Variants in ATAD2 observed in about 807,000 individuals in gnomAD.
The protein encoded by ATAD2 is ATPase family AAA domain containing 2.
ATAD2 carries 62 observed loss-of-function variants against 168.9 expected under a neutral mutation model. The ratio of observed to expected loss-of-function variants is 0.37; its 90% CI spans 0.30 to 0.45. The LOEUF is 0.45. ATAD2 is among the 20% of genes least tolerant of loss of function. The pLI is 1.00. For synonymous variants in ATAD2, 613 were observed against 571.6 expected, an observed-to-expected ratio of 1.07 and a Z score of -1.03; for missense variants, 1,419 against 1,667.8, an observed-to-expected ratio of 0.85 and a Z score of 2.60.
At chr8:123,354,153 A>G (rs1053903694) in intron 13 of ATAD2, among the ~76,000 whole-genome samples, 2 of 152,136 alleles carry the variant, frequency 1.3e-5, no homozygotes, top group Non-Finnish European at 2.9e-5. Context: ...AATTTAGGGT[A>G]ATTTGACTTC....
chr8:123,404,559 C>A (rs1389278722), intron 1 of ATAD2, among the ~76,000 whole-genome samples: 1 of 148,100 alleles, frequency 6.8e-6, no homozygotes, highest in Non-Finnish European at 1.5e-5. Flanking sequence ...TCCCCACTTT[C>A]TCTCTCTTTT....
chr8:123,375,808 T>G (rs1465134984), intron 2 of ATAD2, among the ~76,000 whole-genome samples: 1 of 152,034 alleles, frequency 6.6e-6, no homozygotes, highest in South Asian at 2.1e-4. Flanking sequence ...CCATATCTAC[T>G]AAAAATACAA....
intron 2 of ATAD2, among the ~76,000 whole-genome samples, chr8:123,373,037 C>G (rs1473938884): frequency 6.6e-6 from 1 of 151,946 alleles, no homozygotes; most frequent in Non-Finnish European, 1.5e-5. Flanking sequence ...GGACTATAGG[C>G]TCCTGTCATC....
At chr8:123,344,390 C>T (rs1437219728) in intron 19 of ATAD2, 1 of 149,464 alleles carries the variant, frequency 6.7e-6, no homozygotes, top group Admixed American at 6.7e-5. Flanking sequence ...CTCTGTCGCC[C>T]AGGCTGGAGT....
At chr8:123,324,645 G>A (rs912390571) in intron 26 of ATAD2, among the ~76,000 whole-genome samples, 2 of 152,172 alleles carry the variant, frequency 1.3e-5, no homozygotes, top group African/African-American at 2.4e-5. Flanking sequence ...GCTTACAAAA[G>A]TAATTGAAGG....
At chr8:123,372,835 C>T (rs1829187856) in intron 2 of ATAD2, 149 bp from the exon 3 acceptor site, 1 of 536,606 alleles carries the variant, frequency 1.9e-6, no homozygotes, top group Admixed American at 3.7e-5. Flanking sequence ...TCAAGCAATA[C>T]CTCCCACCTC....
At chr8:123,325,562 A>G (rs1466666695) in intron 26 of ATAD2, among the ~76,000 whole-genome samples, 1 of 152,126 alleles carries the variant, frequency 6.6e-6, no homozygotes, top group Non-Finnish European at 1.5e-5. Flanking sequence ...CTAGGATTAC[A>G]GGCATGAGTC....
intron 1 of ATAD2, among the ~76,000 whole-genome samples, chr8:123,412,878 C>G (rs929012730): frequency 7.9e-5 from 12 of 152,112 alleles, no homozygotes; most frequent in African/African-American, 2.9e-4. Context: ...CCCAAACCCC[C>G]CATTAAAATG....
chr8:123,409,599 C>G (rs2130045357), intron 1 of ATAD2, among the ~76,000 whole-genome samples: 1 of 152,066 alleles, frequency 6.6e-6, no homozygotes, highest in Middle Eastern at 3.4e-3. Context: ...CTCAGGTGAT[C>G]CTTCTGCCTC....
rs765048906 is a variant in ATAD2, at chr8:123,333,985, T to C, written c.3371A>G (p.His1124Arg). The change falls in exon 24 of 28, where the codon CAT (histidine) becomes CGT (arginine). Residue 1124 changes from histidine to arginine, a missense_variant. Physicochemically the swap from His to Arg is conservative, Grantham distance 29. Coordinates refer to ENST00000287394, the MANE Select transcript of ATAD2 (RefSeq NM_014109.4). ...SSSKYAPSYY[H>R]VMPKQNSTLV... ...AGTGGAATTTTGCTTTGGCATCACA[T>C]GGTAGTAAGACGGGGCATATTTGGA... 1.2e-6 allele frequency: 2 copies of C among 1,614,148 alleles called. No individual in the cohort carries two copies. The highest frequency in any genetic ancestry group is 1.7e-6 in the Non-Finnish European group (2 of 1,180,004).
Position 123,396,283 on chromosome 8 carries a change from G to C in ATAD2, c.75C>G (p.Ser25=). The C allele has an allele frequency of 1.9e-6, 3 of 1,611,482 alleles. No homozygotes were observed. Among genetic ancestry groups the C allele is most frequent in the Non-Finnish European group, 2.5e-6 (3 of 1,179,620 alleles). Reference sequence around the variant, plus strand: ...TGTGCTCCAGACTGAGGAAGTCACTGGACAGGTCCAAGGAGCCCGTGGCCG... The same window carrying C: ...TGTGCTCCAGACTGAGGAAGTCACTCGACAGGTCCAAGGAGCCCGTGGCCG... ...AASATGSLDL[S]SDFLSLEHIG... is the part of the protein sequence containing the mutation. Residue 25 remains serine, a synonymous_variant, in exon 1 of 28, where the codon TCC becomes TCG. Coordinates refer to ENST00000287394, the MANE Select transcript of ATAD2 (RefSeq NM_014109.4).
chr8:123,402,002 TG>T lies in ATAD2; in HGVS notation c.-2281-828del. ...CAGGGCCCGCAGCCTGTCTGTCCTT[TG>T]GTCCATGATGTACTCAGGAGAGCTC... On this transcript the variant is annotated intron_variant, in intron 1 of 28. Coordinates refer to the ATAD2 transcript ENST00000521903. The surrounding 1 kb of genome is among the most constrained non-coding windows in gnomAD (Gnocchi z 4.8). The T allele has an allele frequency of 7.2e-7, 1 of 1,379,344 alleles. No individual in the cohort carries two copies. Among genetic ancestry groups the T allele is most frequent in the Non-Finnish European group, 1.0e-6 (1 of 970,810 alleles). The allele number at this position is 1,379,344 out of a possible 1,614,324, so 85.4% of individuals were successfully genotyped here.
chr8:123,383,512 C>T lies in ATAD2; in HGVS notation c.172-2835G>A, dbSNP rs138047215. ...GACAGCCGGGCATGGTGGCTCATGC[C>T]TGTAATCCCAGGACTTTGGGAGGCC... On this transcript the variant is annotated intron_variant, in intron 1 of 27. Transcript: ENST00000287394. Among the ~76,000 whole-genome samples the T allele has an allele frequency of 3.9e-5, 6 of 152,296 alleles. No homozygotes were observed. The East Asian group carries it at 1.2e-3, about 29-fold the overall frequency.
At chr8:123,331,156 G>A (rs1827766163) in intron 24 of ATAD2, among the ~76,000 whole-genome samples, 2 of 152,118 alleles carry the variant, frequency 1.3e-5, no homozygotes, top group African/African-American at 4.8e-5. Flanking sequence ...GGCCACGCTG[G>A]TCTTGAGCTC....
chr8:123,396,398 G>GA lies in ATAD2; in HGVS notation c.-42dup, dbSNP rs1563868721. The GA allele has an allele frequency of 1.3e-6, 2 of 1,511,750 alleles. No homozygotes were observed. The highest frequency in any genetic ancestry group is 2.5e-5 in the South Asian group (2 of 80,936). 93.6% of individuals were successfully genotyped at this position (1,511,750 alleles called of 1,614,324 possible). A position where few individuals can be genotyped will look rare whatever the true frequency, so the allele number is the denominator to read the frequency against. ...GCCTCGGCGTGCGCGACCGGAGAGA[G>GA]ATCCAGCTCCAGGCGCTCGCAGCTC... On this transcript the variant is annotated 5_prime_UTR_variant, in exon 1 of 28. Transcript: ENST00000287394.
At chr8:123,339,232 G>C (rs1174973037) in intron 20 of ATAD2, 79 bp downstream of exon 20, 1 of 1,241,358 alleles carries the variant, frequency 8.1e-7, no homozygotes. Flanking sequence ...TGTGTTATCA[G>C]ATACATGTCA....
intron 22 of ATAD2, among the ~76,000 whole-genome samples, chr8:123,335,180 G>A (rs946269973): frequency 1.3e-5 from 2 of 152,152 alleles, no homozygotes; most frequent in African/African-American, 4.8e-5. Flanking sequence ...ATTTTAGATT[G>A]CCACAATAGA....
At chr8:123,389,618 C>T (rs941718758) in intron 1 of ATAD2, among the ~76,000 whole-genome samples, 2 of 151,022 alleles carry the variant, frequency 1.3e-5, no homozygotes, top group Middle Eastern at 3.2e-3. Context: ...TCAGCCTGGG[C>T]GACAGAGCAA....
intron 2 of ATAD2, among the ~76,000 whole-genome samples, chr8:123,376,969 G>A (rs1363839213): frequency 2.0e-5 from 3 of 151,864 alleles, no homozygotes; most frequent in Admixed American, 2.0e-4. Flanking sequence ...GGGCATGCCT[G>A]TAATCCCAGC....
Sources: gnomAD v4.1 joint callset for allele counts (sites outside exome capture counted in the v4.1 genomes callset) on GRCh38, gnomAD v4.1.1 for gene constraint, Gnocchi (gnomAD v3.1) non-coding constraint, MANE v1.5 for transcripts, NCBI Gene and HGNC (gene_info 2026-07-23, HGNC 2026-07-21) for gene names.